The following NEBL variants were observed in gnomAD, a reference collection of about 807,000 sequenced individuals.
The protein encoded by NEBL is nebulette, also known as LIM and SH3 protein 2.
Under a neutral mutation model 140.2 loss-of-function variants are expected in NEBL, and 122 were observed. The ratio of observed to expected loss-of-function variants is 0.87; its 90% CI spans 0.75 to 1.01. NEBL has a LOEUF of 1.01. Among genes scored for constraint, NEBL ranks in the 50% least tolerant of loss-of-function variants. The pLI is 0.00. For synonymous variants in NEBL, 436 were observed against 398.9 expected (o/e 1.09, Z -1.11); for missense variants, 1,365 against 1,231.3 (o/e 1.11, Z -1.62).
In NEBL at chr10:21,189,859, G is replaced by C. The variant is rs138324211; in HGVS notation, n.349-17382C>G. Reference sequence around the variant, plus strand: ...CAACAATTTGGAAAGGTTTTCTAAAGTGTCCATTTTTCTCATTCTGCTCCC... The same window carrying C: ...CAACAATTTGGAAAGGTTTTCTAAACTGTCCATTTTTCTCATTCTGCTCCC... On this transcript the variant is annotated intron_variant and non_coding_transcript_variant, in intron 3 of 8. Transcript: ENST00000675702. 1.6e-3 allele frequency among the ~76,000 whole-genome samples: 243 copies of C among 152,302 alleles called. 4 individuals carry two copies. Among genetic ancestry groups the C allele is most frequent in the African/African-American group, 5.4e-3 (226 of 41,570 alleles).
chr10:21,093,205 G>A (rs1837007597), intron 2 of NEBL, among the ~76,000 whole-genome samples: 1 of 112,796 alleles, frequency 8.9e-6, no homozygotes, highest in African/African-American at 3.4e-5. Flanking sequence ...TCAAGATATG[G>A]TATCTTTTCA....
intron 3 of NEBL, among the ~76,000 whole-genome samples, chr10:20,970,472 C>T (rs1836520525): frequency 6.6e-6 from 1 of 152,050 alleles, no homozygotes; most frequent in East Asian, 1.9e-4. Context: ...GACCTTGTCT[C>T]TGCTCCCCCC....
rs193121489 is a variant in NEBL, at chr10:20,968,555, A to G, written c.250-6776T>C. 7.9e-4 allele frequency among the ~76,000 whole-genome samples: 121 copies of G among 152,264 alleles called. 2 individuals are homozygous for G. The highest frequency in any genetic ancestry group is 7.2e-3 in the Admixed American group (110 of 15,290). On this transcript the variant is annotated intron_variant, in intron 3 of 6. Transcript: ENST00000417816. ...CATAAATATGGAGGAGGGAGGAATC[A>G]TAGAAGTTCAAGGGGATGCGTCGCA...
At chr10:20,941,108 C>T (rs1486779744) in intron 4 of NEBL, among the ~76,000 whole-genome samples, 2 of 152,140 alleles carry the variant, frequency 1.3e-5, no homozygotes. Context: ...CATCCTGATA[C>T]CAAAGCCTGG....
At chr10:20,831,345 C>T (rs1049573537) in intron 15 of NEBL, 39 bp from the exon 16 acceptor site, 10 of 1,547,492 alleles carry the variant, frequency 6.5e-6, no homozygotes, top group Admixed American at 5.0e-5. Context: ...TTTGCTTAAG[C>T]TTTAATAGCG....
intron 3 of NEBL, among the ~76,000 whole-genome samples, chr10:21,217,596 G>A (rs1461166395): frequency 6.6e-6 from 1 of 152,134 alleles, no homozygotes; most frequent in South Asian, 2.1e-4. Flanking sequence ...TCAAATCCAG[G>A]CTCTGCTAGT....
chr10:21,169,067 A>AAATATATATATATATATAT, intron 2 of NEBL, among the ~76,000 whole-genome samples: 1 of 23,064 alleles, frequency 4.3e-5, no homozygotes, highest in Non-Finnish European at 8.7e-5. Context: ...AAAAAAAAAA[A>AAATATATATATATATATAT]ATATATATAT....
chr10:20,918,122 G>A (rs1833396683), intron 4 of NEBL, among the ~76,000 whole-genome samples: 1 of 152,150 alleles, frequency 6.6e-6, no homozygotes, highest in Non-Finnish European at 1.5e-5. Flanking sequence ...ACTTTGGGAG[G>A]CCAAGGCGGG....
intron 1 of NEBL, among the ~76,000 whole-genome samples, chr10:21,265,285 C>T (rs1352599282): frequency 1.3e-5 from 2 of 152,100 alleles, no homozygotes; most frequent in Non-Finnish European, 2.9e-5. Flanking sequence ...TTCCCAAAGG[C>T]CCCACCTCTT....
intron 27 of NEBL, among the ~76,000 whole-genome samples, chr10:20,786,803 T>C (rs1481157361): frequency 2.6e-5 from 4 of 152,198 alleles, no homozygotes; most frequent in Non-Finnish European, 4.4e-5. Context: ...AATGGGGGAT[T>C]TGAAGATATA....
intron 19 of NEBL, among the ~76,000 whole-genome samples, chr10:20,820,743 T>G (rs1377653599): frequency 2.6e-5 from 4 of 152,050 alleles, no homozygotes; most frequent in Non-Finnish European, 5.9e-5. Flanking sequence ...GAGAATTGCT[T>G]GAACCCAGGA....
At chr10:20,931,871 C>G (rs1834203685) in intron 4 of NEBL, among the ~76,000 whole-genome samples, 1 of 152,150 alleles carries the variant, frequency 6.6e-6, no homozygotes, top group Admixed American at 6.5e-5. Context: ...CAAATTCAAG[C>G]CAAAGTAAGG....
At chr10:21,021,209 A>G (rs1024870340) in intron 2 of NEBL, among the ~76,000 whole-genome samples, 2 of 152,228 alleles carry the variant, frequency 1.3e-5, no homozygotes, top group Admixed American at 6.5e-5. Context: ...AAATGTATAT[A>G]TGTGTATATG....
intron 2 of NEBL, chr10:21,126,202 T>C: frequency 7.3e-7 from 1 of 1,362,832 alleles, no homozygotes; most frequent in Non-Finnish European, 1.0e-6. Context: ...ACATTTGGAA[T>C]AATAACAACT....
At chr10:21,261,867 G>GCTGAGA (rs1842742992) in intron 1 of NEBL, among the ~76,000 whole-genome samples, 1 of 152,076 alleles carries the variant, frequency 6.6e-6, no homozygotes, top group African/African-American at 2.4e-5. Context: ...TGCGTGTCCT[G>GCTGAGA]CTGAGACGTG....
chr10:20,979,547 C>T (rs1417085660), intron 3 of NEBL, among the ~76,000 whole-genome samples: 1 of 152,158 alleles, frequency 6.6e-6, no homozygotes, highest in Non-Finnish European at 1.5e-5. Flanking sequence ...AAACATGCCA[C>T]ATTATTTTAG....
At chr10:20,835,761 A>C in intron 13 of NEBL, 138 bp from the exon 14 acceptor site, 1 of 708,220 alleles carries the variant, frequency 1.4e-6, no homozygotes, top group South Asian at 1.5e-5. Flanking sequence ...ATGAATGATC[A>C]CTCACAACTA....
intron 2 of NEBL, among the ~76,000 whole-genome samples, chr10:21,096,197 C>T (rs1837177162): frequency 6.6e-6 from 1 of 152,180 alleles, no homozygotes; most frequent in Non-Finnish European, 1.5e-5. Flanking sequence ...CTACTGTGGA[C>T]TTCAATACCA....
intron 26 of NEBL, among the ~76,000 whole-genome samples, chr10:20,790,544 T>C (rs1377272472): frequency 6.7e-6 from 1 of 148,850 alleles, no homozygotes; most frequent in East Asian, 2.0e-4. Context: ...GAGGTTGCAA[T>C]GAACCGAGAT....
Sources: allele counts gnomAD v4.1 joint callset (sites outside exome capture counted in the v4.1 genomes callset), GRCh38; gene constraint gnomAD v4.1.1; transcripts MANE v1.5; gene names NCBI Gene and HGNC (gene_info 2026-07-23, HGNC 2026-07-21).